Variants in TCF12 observed in about 807,000 individuals in gnomAD.
The protein encoded by TCF12 is DNA-binding protein HTF4.
In TCF12, 45 loss-of-function variants were observed where a neutral mutation model predicts 86.0. That is an observed-to-expected ratio of 0.52 (90% CI 0.41 to 0.67). The LOEUF is 0.67. TCF12 is among the 30% of genes least tolerant of loss of function. TCF12 has a pLI of 0.00. For missense variants in TCF12, 881 were observed against 859.9 expected (o/e 1.02, Z -0.31); for synonymous variants, 330 against 299.6 (o/e 1.10, Z -1.05).
intron 5 of TCF12, among the ~76,000 whole-genome samples, chr15:57,132,108 G>A (rs998499000): frequency 2.0e-5 from 3 of 152,044 alleles, no homozygotes; most frequent in Admixed American, 2.0e-4. Flanking sequence ...CTAAAATTGT[G>A]CCACTACACT....
intron 19 of TCF12, among the ~76,000 whole-genome samples, chr15:57,273,957 C>T (rs1370916409): frequency 6.6e-6 from 1 of 152,188 alleles, no homozygotes; most frequent in Non-Finnish European, 1.5e-5. Flanking sequence ...CTCCTCTGTT[C>T]CAACCAGCTG....
chr15:57,266,070 T>G (rs1471887459), intron 18 of TCF12, among the ~76,000 whole-genome samples: 2 of 146,942 alleles, frequency 1.4e-5, no homozygotes, highest in African/African-American at 5.1e-5. Flanking sequence ...CACTGCCTAT[T>G]TTTGTTTTTG....
intron 5 of TCF12, among the ~76,000 whole-genome samples, chr15:57,110,104 G>A (rs1242773702): frequency 6.6e-6 from 1 of 152,144 alleles, no homozygotes; most frequent in Non-Finnish European, 1.5e-5. Context: ...ACCTTTCTCA[G>A]CATGCATTCT....
intron 6 of TCF12, among the ~76,000 whole-genome samples, chr15:57,167,384 G>A (rs1049834131): frequency 7.9e-5 from 12 of 152,106 alleles, no homozygotes; most frequent in African/African-American, 2.9e-4. Context: ...AACATAGTGA[G>A]ACCTTGTCTC....
At chr15:57,229,777 G>T (rs1331021257) in intron 8 of TCF12, among the ~76,000 whole-genome samples, 5 of 151,884 alleles carry the variant, frequency 3.3e-5, no homozygotes, top group East Asian at 1.9e-4. Context: ...AATTTCATCT[G>T]ATCTGCCCAT....
At chr15:57,030,850 A>T (rs1458700274) in intron 3 of TCF12, among the ~76,000 whole-genome samples, 1 of 152,228 alleles carries the variant, frequency 6.6e-6, no homozygotes, top group African/African-American at 2.4e-5. Flanking sequence ...CACAATTCAC[A>T]TTTGTAGAAG....
At chr15:57,181,574 C>A (rs976440895) in intron 6 of TCF12, among the ~76,000 whole-genome samples, 7 of 152,152 alleles carry the variant, frequency 4.6e-5, no homozygotes, top group South Asian at 2.1e-4. Context: ...TTGGCCAAGT[C>A]TACCTACTAC....
At chr15:57,250,026 A>G (rs2152001661) in intron 13 of TCF12, among the ~76,000 whole-genome samples, 1 of 151,702 alleles carries the variant, frequency 6.6e-6, no homozygotes, top group Middle Eastern at 3.4e-3. Context: ...CTGAACTTGT[A>G]TCTTTTCTTT....
chr15:57,252,927 CTT>C (rs57946842), intron 15 of TCF12, among the ~76,000 whole-genome samples: 6,920 of 89,888 alleles, frequency 0.077, 295 homozygotes, highest in African/African-American at 0.18. Flanking sequence ...ATAGGTTGTA[CTT>C]TTTTTTTTTT....
intron 16 of TCF12, 70 bp from the exon 17 acceptor site, chr15:57,262,024 A>G: frequency 9.8e-7 from 1 of 1,020,866 alleles, no homozygotes; most frequent in Non-Finnish European, 1.4e-6. Flanking sequence ...ACCTAGTAAA[A>G]TAATTTGGAC....
rs940955930 is a variant in TCF12 at position 57,288,495 on chromosome 15, C to G, written c.*2350C>G. ...AACATTTATGTAGCAATAAATGTGC[C>G]ATCTTTTTTTTAACACAGTAAAATA... is the stretch of plus-strand genomic sequence containing the variant. On this transcript the variant is annotated 3_prime_UTR_variant, in exon 21 of 21. Coordinates refer to ENST00000333725, the MANE Select transcript of TCF12 (RefSeq NM_207037.2). The G allele has an allele frequency of 1.3e-5, 2 of 152,484 alleles. No homozygotes were observed. The highest frequency in any genetic ancestry group is 2.9e-5 in the Non-Finnish European group (2 of 68,014). 9.4% of individuals were successfully genotyped at this position (152,484 alleles called of 1,614,324 possible).
At chr15:57,152,004 A>T (rs2053796215) in intron 5 of TCF12, among the ~76,000 whole-genome samples, 1 of 152,168 alleles carries the variant, frequency 6.6e-6, no homozygotes, top group Non-Finnish European at 1.5e-5. Context: ...TAAGCTGAGG[A>T]TGAAATACTA....
intron 13 of TCF12, among the ~76,000 whole-genome samples, chr15:57,245,560 C>A (rs774527687): frequency 1.3e-4 from 20 of 152,174 alleles, no homozygotes; most frequent in Non-Finnish European, 2.8e-4. Flanking sequence ...GCCAAAGTAT[C>A]CTTTGGTTTT....
chr15:57,075,804 T>TCTCTCTCTCTCTCTCTCTCTC, intron 4 of TCF12, among the ~76,000 whole-genome samples: 1 of 28,598 alleles, frequency 3.5e-5, no homozygotes, highest in East Asian at 1.5e-3. Context: ...CTTTCTTTCT[T>TCTCTCTCTCTCTCTCTCTCTC]TCTCTCTCTC....
intron 3 of TCF12, among the ~76,000 whole-genome samples, chr15:56,940,925 T>TC (rs2060739752): frequency 6.7e-6 from 1 of 149,326 alleles, no homozygotes. Flanking sequence ...CTCTTTTTTT[T>TC]TTTTTTTTCT....
chr15:57,096,545 T>A (rs377304876), intron 5 of TCF12, among the ~76,000 whole-genome samples: 2 of 152,160 alleles, frequency 1.3e-5, no homozygotes, highest in Non-Finnish European at 2.9e-5. Flanking sequence ...TGGTATAGTT[T>A]TTGCATATAA....
chr15:57,086,246 T>TAATATAAG (rs2048623233), intron 4 of TCF12, among the ~76,000 whole-genome samples: 2 of 82,542 alleles, frequency 2.4e-5, no homozygotes, highest in Non-Finnish European at 3.0e-5. Context: ...AATAATATAA[T>TAATATAAG]GACTAGTGTT....
At chr15:57,102,340 G>A (rs1487668736) in intron 5 of TCF12, among the ~76,000 whole-genome samples, 4 of 152,222 alleles carry the variant, frequency 2.6e-5, no homozygotes, top group Admixed American at 2.6e-4. Context: ...GCTCACACCT[G>A]TAATCCCAGC....
intron 5 of TCF12, 35 bp downstream of exon 5, chr15:57,091,926 A>C: frequency 6.4e-7 from 1 of 1,561,798 alleles, no homozygotes; most frequent in South Asian, 1.1e-5. Flanking sequence ...AGTCTTCTCA[A>C]AGCTTCTTTG....
Sources: gnomAD v4.1 joint callset for allele counts (sites outside exome capture counted in the v4.1 genomes callset) on GRCh38, gnomAD v4.1.1 for gene constraint, MANE v1.5 for transcripts, NCBI Gene and HGNC (gene_info 2026-07-23, HGNC 2026-07-21) for gene names.